CMSS1: variants seen among roughly 807,000 people sequenced by gnomAD.
CMSS1 encodes protein CMSS1.
A neutral mutation model predicts 43.5 loss-of-function variants in CMSS1; 33 were observed. The ratio of observed to expected loss-of-function variants is 0.76; its 90% CI spans 0.57 to 1.01. CMSS1 has a LOEUF of 1.01. Among genes scored for constraint, CMSS1 ranks in the 50% least tolerant of loss-of-function variants. The pLI is 0.00. For synonymous variants in CMSS1, 115 were observed against 117.2 expected (o/e 0.98, Z 0.12); for missense variants, 313 against 326.4 (o/e 0.96, Z 0.32).
intron 8 of CMSS1, among the ~76,000 whole-genome samples, chr3:100,172,607 C>T (rs1260622837): frequency 1.3e-5 from 2 of 152,188 alleles, no homozygotes; most frequent in South Asian, 2.1e-4. Context: ...AACTGAAGTA[C>T]GTGTGCCCAC....
intron 1 of CMSS1, among the ~76,000 whole-genome samples, chr3:100,081,998 G>A (rs1428010872): frequency 2.0e-5 from 3 of 152,008 alleles, no homozygotes; most frequent in Non-Finnish European, 4.4e-5. Context: ...TAGACTTTAG[G>A]CTATCTGAGG....
chr3:99,894,626 G>A (rs372427925), intron 1 of CMSS1, among the ~76,000 whole-genome samples: 49 of 152,274 alleles, frequency 3.2e-4, no homozygotes, highest in African/African-American at 1.2e-3. Context: ...TTAAATGTAG[G>A]AAGTTTACTA....
chr3:99,931,176 T>A, intron 1 of CMSS1: 1 of 654,452 alleles, frequency 1.5e-6, no homozygotes, highest in Non-Finnish European at 2.6e-6. Context: ...CAGAGAAGGA[T>A]ATTAGCAGAT....
intron 1 of CMSS1, among the ~76,000 whole-genome samples, chr3:100,121,351 T>C (rs1276048140): frequency 1.3e-5 from 2 of 152,010 alleles, no homozygotes; most frequent in African/African-American, 2.4e-5. Flanking sequence ...GTTGGTTTTC[T>C]GTCCTTGTGA....
chr3:99,997,527 G>A (rs887801305), intron 1 of CMSS1, among the ~76,000 whole-genome samples: 6 of 152,248 alleles, frequency 3.9e-5, no homozygotes, highest in East Asian at 1.9e-4. Flanking sequence ...ATTAGAATAC[G>A]TAGGAAGCTT....
intron 1 of CMSS1, among the ~76,000 whole-genome samples, chr3:99,873,507 G>T (rs1321540329): frequency 6.6e-6 from 1 of 151,870 alleles, no homozygotes; most frequent in Non-Finnish European, 1.5e-5. Context: ...GGGGCTGTAT[G>T]TTTTTTTTCT....
At chr3:100,144,115 G>A (rs1403750409) in intron 1 of CMSS1, among the ~76,000 whole-genome samples, 2 of 151,802 alleles carry the variant, frequency 1.3e-5, no homozygotes, top group East Asian at 3.9e-4. Flanking sequence ...TTTTTCTTTT[G>A]TTTGATCACT....
intron 1 of CMSS1, among the ~76,000 whole-genome samples, chr3:100,104,837 C>T (rs1029599933): frequency 1.3e-5 from 2 of 152,164 alleles, no homozygotes; most frequent in Non-Finnish European, 2.9e-5. Context: ...TGAGAATCAC[C>T]ATTTACAGCT....
intron 1 of CMSS1, among the ~76,000 whole-genome samples, chr3:99,896,603 A>G (rs1039315512): frequency 6.6e-6 from 1 of 152,192 alleles, no homozygotes; most frequent in African/African-American, 2.4e-5. Flanking sequence ...GTTAACAACA[A>G]CTATTTTGAT....
chr3:100,021,917 G>T (rs371314557), intron 1 of CMSS1, among the ~76,000 whole-genome samples: 3 of 37,226 alleles, frequency 8.1e-5, no homozygotes, highest in African/African-American at 2.4e-4. Context: ...AGATCCCATT[G>T]TGTGTGTGTG....
chr3:99,817,960 A>T lies in CMSS1; in HGVS notation c.-20A>T, dbSNP rs954480642. ...GTCGCCTACCCGTGATGTTCTGCCC[A>T]CGTCGAGACCTGAGCTGAAATGGCA... On this transcript the variant is annotated 5_prime_UTR_variant, in exon 1 of 10. Transcript: ENST00000421999. 1.2e-6 allele frequency: 2 copies of T among 1,613,662 alleles called. No homozygotes were observed. The highest frequency in any genetic ancestry group is 1.7e-6 in the Non-Finnish European group (2 of 1,179,806).
At chr3:99,830,737 A>G (rs1942644374) in intron 1 of CMSS1, 1 of 382,002 alleles carries the variant, frequency 2.6e-6, no homozygotes, top group Non-Finnish European at 5.2e-6. Context: ...TATCAGATCA[A>G]AGATCGTCAG....
intron 1 of CMSS1, among the ~76,000 whole-genome samples, chr3:100,140,699 T>C (rs933061635): frequency 1.3e-5 from 2 of 152,096 alleles, no homozygotes; most frequent in African/African-American, 4.8e-5. Context: ...AGCAAGGTTG[T>C]TCGCTAGGGC....
At chr3:99,863,796 C>A (rs1364764829) in intron 1 of CMSS1, among the ~76,000 whole-genome samples, 2 of 152,208 alleles carry the variant, frequency 1.3e-5, no homozygotes. Context: ...ATACTAGTTT[C>A]TCTTATGTAC....
intron 1 of CMSS1, among the ~76,000 whole-genome samples, chr3:99,880,284 G>A (rs1705679424): frequency 6.6e-6 from 1 of 152,130 alleles, no homozygotes; most frequent in Admixed American, 6.5e-5. Flanking sequence ...CTCTGTACAT[G>A]TAGATACCCA....
At chr3:99,838,617 T>C (rs1013946427) in intron 1 of CMSS1, among the ~76,000 whole-genome samples, 4 of 152,160 alleles carry the variant, frequency 2.6e-5, no homozygotes, top group African/African-American at 9.7e-5. Flanking sequence ...ATTCAACTTA[T>C]AATGAATTTA....
chr3:99,905,808 C>G (rs1205522049), intron 1 of CMSS1, among the ~76,000 whole-genome samples: 1 of 152,198 alleles, frequency 6.6e-6, no homozygotes. Flanking sequence ...AATGGAAATG[C>G]AACTTCATAT....
chr3:99,912,287 G>C (rs961799789), intron 1 of CMSS1, among the ~76,000 whole-genome samples: 8 of 152,206 alleles, frequency 5.3e-5, no homozygotes, highest in African/African-American at 1.9e-4. Flanking sequence ...GAAATGCCCA[G>C]AATAGGCAAA....
intron 1 of CMSS1, among the ~76,000 whole-genome samples, chr3:100,053,553 C>T (rs966928979): frequency 2.0e-5 from 3 of 152,206 alleles, no homozygotes; most frequent in Non-Finnish European, 4.4e-5. Context: ...CTCATCTTAA[C>T]TTGATTACGT....
Sources: gnomAD v4.1 joint callset for allele counts (sites outside exome capture counted in the v4.1 genomes callset) on GRCh38, gnomAD v4.1.1 for gene constraint, MANE v1.5 for transcripts, NCBI Gene and HGNC (gene_info 2026-07-23, HGNC 2026-07-21) for gene names.